Variants in ZNF804A observed in about 807,000 individuals in gnomAD.
ZNF804A encodes the protein zinc finger protein 804A.
A neutral mutation model predicts 16.5 loss-of-function variants in ZNF804A; 2 were observed. That is an observed-to-expected ratio of 0.12 (90% CI 0.05 to 0.38). ZNF804A has a LOEUF of 0.38. Ranked by LOEUF, ZNF804A falls within the 10% of genes least tolerant of loss-of-function variation. The pLI is 0.99. For synonymous variants in ZNF804A, 534 were observed against 489.6 expected, an observed-to-expected ratio of 1.09 and a Z score of -1.20; for missense variants, 1,473 against 1,390.7, an observed-to-expected ratio of 1.06 and a Z score of -0.94.
At chr2:184,771,426 T>C (rs1014863217) in intron 1 of ZNF804A, among the ~76,000 whole-genome samples, 10 of 151,880 alleles carry the variant, frequency 6.6e-5, no homozygotes, top group African/African-American at 1.9e-4. Context: ...CTCATCAGGC[T>C]GCAGTTAAGA....
At chr2:184,603,578 T>C (rs1691083703) in intron 1 of ZNF804A, among the ~76,000 whole-genome samples, 2 of 152,158 alleles carry the variant, frequency 1.3e-5, no homozygotes, top group South Asian at 2.1e-4. Context: ...TCGAAACCCA[T>C]TTAGGTGGCA....
intron 1 of ZNF804A, among the ~76,000 whole-genome samples, chr2:184,759,796 A>G (rs891777198): frequency 6.6e-6 from 1 of 151,936 alleles, no homozygotes; most frequent in Non-Finnish European, 1.5e-5. Context: ...TCCTGGCTCA[A>G]AAAGCTCCCC....
chr2:184,633,820 T>C (rs531813444), intron 1 of ZNF804A, among the ~76,000 whole-genome samples: 6 of 152,310 alleles, frequency 3.9e-5, no homozygotes, highest in Middle Eastern at 3.4e-3. Flanking sequence ...CCAGCCTCCA[T>C]TGAAATGAGA....
chr2:184,806,929 T>C (rs1179465689), intron 1 of ZNF804A, among the ~76,000 whole-genome samples: 1 of 151,808 alleles, frequency 6.6e-6, no homozygotes, highest in East Asian at 1.9e-4. Flanking sequence ...TGCATTGTCA[T>C]ATTTGTATGA....
chr2:184,918,985 A>G (rs1685492544), intron 2 of ZNF804A, among the ~76,000 whole-genome samples: 1 of 152,140 alleles, frequency 6.6e-6, no homozygotes, highest in African/African-American at 2.4e-5. Context: ...AGGCCATTCT[A>G]CCATTCTATC....
intron 1 of ZNF804A, among the ~76,000 whole-genome samples, chr2:184,705,218 C>G (rs1037771899): frequency 6.6e-6 from 1 of 152,080 alleles, no homozygotes; most frequent in Non-Finnish European, 1.5e-5. Flanking sequence ...ATATTGAAGA[C>G]AGTAAGCCCA....
intron 1 of ZNF804A, among the ~76,000 whole-genome samples, chr2:184,670,177 C>G (rs1489377943): frequency 6.6e-6 from 1 of 151,912 alleles, no homozygotes; most frequent in Admixed American, 6.6e-5. Context: ...TATAAATATG[C>G]TTTTTCTGTC....
rs148696410 is a variant in ZNF804A, at chr2:184,834,049, G to A, written c.112-32320G>A. 9.0e-3 allele frequency among the ~76,000 whole-genome samples: 1,362 copies of A among 151,984 alleles called. 22 individuals carry two copies. The highest frequency in any genetic ancestry group is 0.031 in the African/African-American group (1,298 of 41,464). Reference sequence around the variant, plus strand: ...TTTAGCATCTATTAATGATCCTCGCGTGAATCAATTAATGGTTGTGAGTGA... The same window carrying A: ...TTTAGCATCTATTAATGATCCTCGCATGAATCAATTAATGGTTGTGAGTGA... On this transcript the variant is annotated intron_variant, in intron 1 of 3. Coordinates refer to ENST00000302277, the MANE Select transcript of ZNF804A (RefSeq NM_194250.2).
chr2:184,720,455 A>G (rs1374543165), intron 1 of ZNF804A, among the ~76,000 whole-genome samples: 1 of 152,210 alleles, frequency 6.6e-6, no homozygotes, highest in Non-Finnish European at 1.5e-5. Flanking sequence ...ATTTTTCTAC[A>G]CACCAATAAT....
chr2:184,677,548 A>G lies in ZNF804A; in HGVS notation c.111+78478A>G, dbSNP rs149293626. On this transcript the variant is annotated intron_variant, in intron 1 of 3. Transcript: ENST00000302277. The stretch of plus-strand genomic sequence containing the variant: ...ACAAATAGAAAAAATATGAATTCCA[A>G]CTGGCTATATTTAGGGCATAAATTG... Among the ~76,000 whole-genome samples the G allele has an allele frequency of 3.9e-3, 588 of 152,134 alleles. 1 individual carries two copies. The highest frequency in any genetic ancestry group is 5.9e-3 in the Non-Finnish European group (400 of 67,858).
chr2:184,834,247 C>A (rs966753542), intron 1 of ZNF804A, among the ~76,000 whole-genome samples: 1 of 151,846 alleles, frequency 6.6e-6, no homozygotes, highest in African/African-American at 2.4e-5. Flanking sequence ...TAAACATGTC[C>A]AATATTTGGC....
At position 184,688,167 on chromosome 2, in the gene ZNF804A, A is replaced by G. The variant is rs146348368; in HGVS notation, c.111+89097A>G. ...GAACAATTTTATAAACATATAATAA[A>G]TAAACATTTCTAAATCATAGCATAA... On this transcript the variant is annotated intron_variant, in intron 1 of 3. Coordinates refer to ENST00000302277, the MANE Select transcript of ZNF804A (RefSeq NM_194250.2). 2.1e-3 allele frequency among the ~76,000 whole-genome samples: 325 copies of G among 152,242 alleles called. 1 individual carries two copies. Among genetic ancestry groups the G allele is most frequent in the Middle Eastern group, 6.8e-3 (2 of 294 alleles).
intron 1 of ZNF804A, among the ~76,000 whole-genome samples, chr2:184,749,170 T>C (rs1434137312): frequency 6.6e-6 from 1 of 151,404 alleles, no homozygotes; most frequent in African/African-American, 2.4e-5. Context: ...CTATGAGAAG[T>C]ATGACCATTT....
chr2:184,824,954 G>C (rs1203888704), intron 1 of ZNF804A, among the ~76,000 whole-genome samples: 4 of 152,122 alleles, frequency 2.6e-5, no homozygotes, highest in Non-Finnish European at 5.9e-5. Context: ...GTCAGTCCTA[G>C]AGTAGCCACA....
At chr2:184,765,921 C>T (rs1018886314) in intron 1 of ZNF804A, among the ~76,000 whole-genome samples, 5 of 151,990 alleles carry the variant, frequency 3.3e-5, no homozygotes, top group African/African-American at 9.7e-5. Flanking sequence ...TATATATCTG[C>T]AATATTTTCT....
chr2:184,873,004 C>T (rs1444616281), intron 2 of ZNF804A, among the ~76,000 whole-genome samples: 1 of 152,078 alleles, frequency 6.6e-6, no homozygotes, highest in African/African-American at 2.4e-5. Flanking sequence ...GATATACTTT[C>T]CAAAACTTTT....
At chr2:184,641,737 C>T (rs1574143416) in intron 1 of ZNF804A, among the ~76,000 whole-genome samples, 1 of 152,046 alleles carries the variant, frequency 6.6e-6, no homozygotes, top group Non-Finnish European at 1.5e-5. Flanking sequence ...TATGTCTAAT[C>T]TTTTTATAGT....
At chr2:184,847,959 C>T (rs1695545440) in intron 1 of ZNF804A, among the ~76,000 whole-genome samples, 1 of 152,052 alleles carries the variant, frequency 6.6e-6, no homozygotes, top group African/African-American at 2.4e-5. Flanking sequence ...TCCTTGCCCT[C>T]TGTAGGTGCA....
intron 1 of ZNF804A, among the ~76,000 whole-genome samples, chr2:184,600,531 G>A (rs1691028621): frequency 6.6e-6 from 1 of 152,084 alleles, no homozygotes; most frequent in African/African-American, 2.4e-5. Context: ...ACTTAGAGAA[G>A]TAAAAAAGGA....
Sources: allele counts gnomAD v4.1 joint callset (sites outside exome capture counted in the v4.1 genomes callset), GRCh38; gene constraint gnomAD v4.1.1; transcripts MANE v1.5; gene names NCBI Gene and HGNC (gene_info 2026-07-23, HGNC 2026-07-21).